The following CPA6 variants were observed in gnomAD, a reference collection of about 807,000 sequenced individuals.
CPA6 encodes carboxypeptidase B.
Under a neutral mutation model 63.3 loss-of-function variants are expected in CPA6, and 58 were observed. The ratio of observed to expected loss-of-function variants is 0.92; its 90% confidence interval spans 0.74 to 1.14. The LOEUF is 1.14. CPA6 is among the 50% of genes most tolerant of loss of function. The probability of loss-of-function intolerance (pLI) is 0.00; values close to 1 mark genes in which losing one functional copy is unlikely to be tolerated. For missense variants in CPA6, 565 were observed against 526.6 expected (o/e 1.07, Z -0.71); for synonymous variants, 185 against 179.0 (o/e 1.03, Z -0.27).
intron 10 of CPA6, among the ~76,000 whole-genome samples, chr8:67,426,905 T>C (rs1312597785): frequency 2.0e-5 from 3 of 152,190 alleles, no homozygotes. Flanking sequence ...TTAATAAATA[T>C]TTTGGCCTGG....
At chr8:67,522,468 G>T (rs1812279125) in intron 2 of CPA6, among the ~76,000 whole-genome samples, 1 of 152,220 alleles carries the variant, frequency 6.6e-6, no homozygotes, top group Non-Finnish European at 1.5e-5. Context: ...ACAGGAGTGA[G>T]AAAAAACTGC....
intron 8 of CPA6, among the ~76,000 whole-genome samples, chr8:67,456,260 A>C (rs1372321123): frequency 1.3e-5 from 2 of 152,220 alleles, no homozygotes; most frequent in Non-Finnish European, 2.9e-5. Context: ...CTCAGAATGC[A>C]GTTTTCCTTG....
At chr8:67,634,858 AGCTAGTG>A (rs1392883246) in intron 1 of CPA6, among the ~76,000 whole-genome samples, 2 of 151,596 alleles carry the variant, frequency 1.3e-5, no homozygotes, top group African/African-American at 4.9e-5. Flanking sequence ...AATACTTAGT[AGCTAGTG>A]TCATTACTTT....
chr8:67,578,488 T>C (rs548566429), intron 2 of CPA6, among the ~76,000 whole-genome samples: 2 of 152,276 alleles, frequency 1.3e-5, no homozygotes, highest in Admixed American at 1.3e-4. Flanking sequence ...ACGGTACCAG[T>C]GCAGCACCAT....
intron 6 of CPA6, among the ~76,000 whole-genome samples, chr8:67,501,753 T>C (rs1356944172): frequency 6.6e-6 from 1 of 152,216 alleles, no homozygotes; most frequent in Non-Finnish European, 1.5e-5. Context: ...TCAGGCTTCA[T>C]AAAAAGAATT....
At chr8:67,671,842 T>C (rs1422435033) in intron 1 of CPA6, among the ~76,000 whole-genome samples, 1 of 152,204 alleles carries the variant, frequency 6.6e-6, no homozygotes, top group Admixed American at 6.5e-5. Context: ...TTGTATTTTA[T>C]GTTTTTTAGA....
rs147067921 is a variant in CPA6, at chr8:67,746,069, A to G, written c.61T>C (p.Phe21Leu). 6.2e-7 allele frequency: 1 copy of G among 1,614,014 alleles called. No individual in the cohort carries two copies. The change falls in exon 1 of 11, where the codon TTT becomes CTT. Residue 21 changes from phenylalanine (F) to leucine (L), a missense_variant. Phe to Leu is a conservative substitution (Grantham distance 22). Transcript: ENST00000297770. ...AAAFLPLCWL[F>L]LKILQPGHSH... ...TGCCCCGGTTGCAGAATCTTCAAAA[A>G]GAGCCAGCAAAGAGGCAGGAAAGCA...
At chr8:67,436,439 CAA>C (rs112696880) in intron 8 of CPA6, among the ~76,000 whole-genome samples, 1 of 145,042 alleles carries the variant, frequency 6.9e-6, no homozygotes, top group Non-Finnish European at 1.5e-5. Context: ...TGGCAACGAC[CAA>C]AAAAAAAGAA....
chr8:67,434,399 A>G (rs1810098650), intron 8 of CPA6, among the ~76,000 whole-genome samples, 159 bp from the exon 9 acceptor site: 1 of 152,232 alleles, frequency 6.6e-6, no homozygotes, highest in Non-Finnish European at 1.5e-5. Context: ...TCAGTACAAA[A>G]GTTCTAAGGT....
chr8:67,455,084 C>T (rs929916308), intron 8 of CPA6, among the ~76,000 whole-genome samples: 2 of 152,072 alleles, frequency 1.3e-5, no homozygotes, highest in African/African-American at 4.8e-5. Flanking sequence ...TAAAGGACAA[C>T]AAAGAAAAGG....
chr8:67,448,977 G>T (rs1276185885), intron 8 of CPA6, among the ~76,000 whole-genome samples: 1 of 152,012 alleles, frequency 6.6e-6, no homozygotes, highest in Non-Finnish European at 1.5e-5. Flanking sequence ...TGCAGCCAGG[G>T]ATGGTGGCTT....
chr8:67,662,366 T>G (rs566274820), intron 1 of CPA6, among the ~76,000 whole-genome samples: 102 of 150,942 alleles, frequency 6.8e-4, no homozygotes, highest in Non-Finnish European at 1.3e-3. Flanking sequence ...TAAAGAGTGA[T>G]GTTATTCTAG....
At chr8:67,424,349 T>A (rs1026101686) in intron 10 of CPA6, among the ~76,000 whole-genome samples, 2 of 152,044 alleles carry the variant, frequency 1.3e-5, no homozygotes, top group African/African-American at 4.8e-5. Flanking sequence ...ATGAAACCGG[T>A]CCCTGGTGCC....
intron 2 of CPA6, among the ~76,000 whole-genome samples, chr8:67,555,275 C>G (rs1194663894): frequency 6.6e-6 from 1 of 152,182 alleles, no homozygotes; most frequent in African/African-American, 2.4e-5. Context: ...GAACTTTTAG[C>G]TTTGTCCCCT....
chr8:67,635,111 C>T (rs1395172227), intron 1 of CPA6, among the ~76,000 whole-genome samples: 1 of 151,470 alleles, frequency 6.6e-6, no homozygotes, highest in African/African-American at 2.5e-5. Context: ...TGTTCTCTAA[C>T]TCCTGCACTC....
chr8:67,636,148 G>C (rs962813906), intron 1 of CPA6, among the ~76,000 whole-genome samples: 1 of 151,430 alleles, frequency 6.6e-6, no homozygotes, highest in African/African-American at 2.5e-5. Flanking sequence ...TATTTAAAGG[G>C]GGTGGAAGGA....
chr8:67,443,676 T>C (rs977142594), intron 8 of CPA6, among the ~76,000 whole-genome samples: 3 of 152,224 alleles, frequency 2.0e-5, no homozygotes, highest in African/African-American at 7.2e-5. Context: ...CCTCAGTCTC[T>C]TAACCATGAA....
intron 1 of CPA6, among the ~76,000 whole-genome samples, chr8:67,646,840 A>G (rs754715464): frequency 6.6e-6 from 1 of 152,220 alleles, no homozygotes. Context: ...GTTTGAGGAC[A>G]GGAAGACAGT....
chr8:67,720,298 A>C (rs2129001610), intron 1 of CPA6, among the ~76,000 whole-genome samples: 1 of 152,260 alleles, frequency 6.6e-6, no homozygotes, highest in Non-Finnish European at 1.5e-5. Context: ...TCATCAGTTA[A>C]GGTGGGGCAG....
Sources: allele counts gnomAD v4.1 joint callset (sites outside exome capture counted in the v4.1 genomes callset), GRCh38; gene constraint gnomAD v4.1.1; transcripts MANE v1.5; gene names NCBI Gene and HGNC (gene_info 2026-07-23, HGNC 2026-07-21).